PDE11A: variants seen among roughly 807,000 people sequenced by gnomAD.
PDE11A encodes phosphodiesterase 11A.
A neutral mutation model predicts 100.5 loss-of-function variants in PDE11A; 100 were observed. The observed-to-expected ratio is 1.00, with a 90% CI of 0.85 to 1.18. PDE11A has a LOEUF of 1.18. Ranked by LOEUF, PDE11A falls within the 50% of genes most tolerant of loss-of-function variation. PDE11A has a pLI of 0.00. For missense variants in PDE11A, 1,141 were observed against 1,152.6 expected (o/e 0.99, Z 0.15); for synonymous variants, 381 against 420.8 (o/e 0.91, Z 1.16).
At chr2:177,898,332 G>T in intron 3 of PDE11A, 134 bp from the exon 4 acceptor site, 1 of 660,916 alleles carries the variant, frequency 1.5e-6, no homozygotes, top group South Asian at 1.9e-5. Flanking sequence ...AAAATTTTAT[G>T]ATTGTTTTGA....
chr2:177,629,218 C>G lies in PDE11A; in HGVS notation c.*189G>C, dbSNP rs2079879209. On this transcript the variant is annotated 3_prime_UTR_variant, in exon 20 of 20. Coordinates refer to ENST00000286063, the MANE Select transcript of PDE11A (RefSeq NM_016953.4). ...CTGGGGTGTGCTCCCTGCCCCACCT[C>G]TTTCTTTGTCCTTCCCGTTGCTCTC... The G allele has an allele frequency of 1.5e-6, 1 of 647,456 alleles. No homozygotes were observed. Among genetic ancestry groups the G allele is most frequent in the Non-Finnish European group, 2.8e-6 (1 of 359,248 alleles). The allele number at this position is 647,456 out of a possible 1,614,324, so 40.1% of individuals were successfully genotyped here.
At chr2:177,852,837 G>C (rs1432896815) in intron 5 of PDE11A, among the ~76,000 whole-genome samples, 1 of 152,196 alleles carries the variant, frequency 6.6e-6, no homozygotes, top group Non-Finnish European at 1.5e-5. Flanking sequence ...ATCATGATCT[G>C]TTAGTGGAGT....
intron 9 of PDE11A, among the ~76,000 whole-genome samples, chr2:177,813,369 G>A (rs2082980837): frequency 6.6e-6 from 1 of 152,096 alleles, no homozygotes; most frequent in South Asian, 2.1e-4. Flanking sequence ...GAGGATTCCT[G>A]TACTTCCCAG....
At chr2:177,848,794 T>C (rs1045920229) in intron 5 of PDE11A, among the ~76,000 whole-genome samples, 2 of 151,792 alleles carry the variant, frequency 1.3e-5, no homozygotes, top group South Asian at 4.2e-4. Context: ...CAAGACAAAA[T>C]AAAATACCCC....
At chr2:177,672,416 C>G (rs896817985) in intron 17 of PDE11A, among the ~76,000 whole-genome samples, 1 of 152,112 alleles carries the variant, frequency 6.6e-6, no homozygotes, top group African/African-American at 2.4e-5. Context: ...CAAGGCCTAG[C>G]CTAGCCTTGA....
chr2:177,921,130 T>C (rs1053696769), intron 2 of PDE11A, among the ~76,000 whole-genome samples: 1 of 150,188 alleles, frequency 6.7e-6, no homozygotes, highest in Non-Finnish European at 1.5e-5. Context: ...GAAATCATAA[T>C]GTACAAGGTT....
intron 2 of PDE11A, among the ~76,000 whole-genome samples, chr2:178,000,338 A>G (rs1195066777): frequency 2.6e-5 from 4 of 152,234 alleles, no homozygotes; most frequent in Admixed American, 1.3e-4. Context: ...AACAGGAAAT[A>G]TGATGTGGCT....
intron 4 of PDE11A, among the ~76,000 whole-genome samples, chr2:177,887,439 C>T (rs992146462): frequency 7.2e-6 from 1 of 138,738 alleles, no homozygotes; most frequent in Admixed American, 7.7e-5. Flanking sequence ...GAAACGTCGG[C>T]TGGACAAGCC....
At chr2:177,911,178 A>G (rs1018395996) in intron 2 of PDE11A, among the ~76,000 whole-genome samples, 57 of 152,254 alleles carry the variant, frequency 3.7e-4, no homozygotes, top group African/African-American at 1.3e-3. Flanking sequence ...GTTTTAAGAC[A>G]GTTGTGATTC....
At chr2:177,735,122 G>C (rs925649723) in intron 10 of PDE11A, among the ~76,000 whole-genome samples, 1 of 152,190 alleles carries the variant, frequency 6.6e-6, no homozygotes, top group Non-Finnish European at 1.5e-5. Context: ...AACAGTATGG[G>C]TTAAGAGCTG....
rs2084676406 is a variant in PDE11A at position 177,900,247 on chromosome 2, AG to A, written c.1162-2050del. ...ATTACATAGTCAGTGAATTGCCCAG[AG>A]GGCACTTGATTCAACAGAATGTAGA... On this transcript the variant is annotated intron_variant, in intron 3 of 19. Transcript: ENST00000286063. Among the ~76,000 whole-genome samples the A allele has an allele frequency of 2.0e-5, 3 of 152,346 alleles. No homozygotes were observed. In the South Asian group the frequency reaches 6.2e-4, roughly 32 times the overall value.
At chr2:178,022,337 T>C (rs887840730) in intron 1 of PDE11A, among the ~76,000 whole-genome samples, 1 of 152,072 alleles carries the variant, frequency 6.6e-6, no homozygotes, top group African/African-American at 2.4e-5. Context: ...ATTCACTGAG[T>C]GAGGAACGCA....
At chr2:177,730,068 A>C (rs1177110453) in intron 10 of PDE11A, among the ~76,000 whole-genome samples, 1 of 152,078 alleles carries the variant, frequency 6.6e-6, no homozygotes, top group Non-Finnish European at 1.5e-5. Context: ...TGTCACTTTA[A>C]ATCTTTTTTA....
chr2:177,788,884 G>T, intron 9 of PDE11A, among the ~76,000 whole-genome samples: 1 of 152,104 alleles, frequency 6.6e-6, no homozygotes. Flanking sequence ...ATCTGAAATT[G>T]TGGCAATAAT....
At chr2:177,690,796 TTA>T (rs981586673) in intron 15 of PDE11A, among the ~76,000 whole-genome samples, 34 of 152,338 alleles carry the variant, frequency 2.2e-4, no homozygotes, top group African/African-American at 7.9e-4. Flanking sequence ...CCAAGTGGAT[TTA>T]TCTGAATTAT....
chr2:177,938,746 TG>T (rs2105770481), intron 2 of PDE11A, among the ~76,000 whole-genome samples: 1 of 152,334 alleles, frequency 6.6e-6, no homozygotes, highest in African/African-American at 2.4e-5. Context: ...ATTGCTGAAT[TG>T]TTTTCCCCCA....
chr2:177,891,378 A>G (rs968825355), intron 4 of PDE11A, among the ~76,000 whole-genome samples: 2 of 152,162 alleles, frequency 1.3e-5, no homozygotes, highest in African/African-American at 4.8e-5. Context: ...GAGAAAGTCA[A>G]TTTTCTAATG....
intron 16 of PDE11A, among the ~76,000 whole-genome samples, chr2:177,677,168 G>A (rs954133747): frequency 3.9e-5 from 6 of 152,132 alleles, no homozygotes; most frequent in African/African-American, 1.4e-4. Context: ...TTAATCAGTT[G>A]ATCAACAAGT....
intron 1 of PDE11A, among the ~76,000 whole-genome samples, chr2:178,066,486 C>T (rs779518081): frequency 6.6e-6 from 1 of 152,282 alleles, no homozygotes; most frequent in Non-Finnish European, 1.5e-5. Flanking sequence ...CATACAGTCT[C>T]CCCTCCCACT....
Sources: gnomAD v4.1 joint callset for allele counts (sites outside exome capture counted in the v4.1 genomes callset) on GRCh38, gnomAD v4.1.1 for gene constraint, MANE v1.5 for transcripts, NCBI Gene and HGNC (gene_info 2026-07-23, HGNC 2026-07-21) for gene names.